Variants in DPP6 observed in about 807,000 individuals in gnomAD.
DPP6 encodes A-type potassium channel modulatory protein DPP6.
Under a neutral mutation model 122.6 loss-of-function variants are expected in DPP6, and 69 were observed. The ratio of observed to expected loss-of-function variants is 0.56; its 90% CI spans 0.46 to 0.69. DPP6 has a LOEUF of 0.69. Among genes scored for constraint, DPP6 ranks in the 30% least tolerant of loss-of-function variants. The probability of loss-of-function intolerance (pLI) is 0.00; values close to 1 mark genes in which losing one functional copy is unlikely to be tolerated. For missense variants in DPP6, 928 were observed against 1,116.9 expected (o/e 0.83, Z 2.41); for synonymous variants, 418 against 433.1 (o/e 0.97, Z 0.43).
chr7:154,147,652 G>A (rs982201961), intron 1 of DPP6, among the ~76,000 whole-genome samples: 3 of 19,644 alleles, frequency 1.5e-4, no homozygotes, highest in African/African-American at 2.9e-4. Flanking sequence ...GCTAATTTGT[G>A]TGTGTGTGTG....
upstream of DPP6, among the ~76,000 whole-genome samples, chr7:153,882,705 G>A (rs1162199853): frequency 6.6e-6 from 1 of 152,246 alleles, no homozygotes; most frequent in African/African-American, 2.4e-5. Flanking sequence ...CATGCCAGGA[G>A]TCAACACTAG....
At chr7:154,795,601 G>A (rs1797993710) in intron 11 of DPP6, among the ~76,000 whole-genome samples, 1 of 152,074 alleles carries the variant, frequency 6.6e-6, no homozygotes, top group African/African-American at 2.4e-5. Flanking sequence ...TGTTGCTAGG[G>A]ATAGTGGCAT....
chr7:154,794,313 G>T, intron 11 of DPP6, 111 bp downstream of exon 11: 1 of 1,374,566 alleles, frequency 7.3e-7, no homozygotes, highest in South Asian at 1.8e-5. Flanking sequence ...TTGGGGACCG[G>T]CCGCCCAGCT....
chr7:153,753,039 T>C, the DPP6 span, among the ~76,000 whole-genome samples: 1 of 152,208 alleles, frequency 6.6e-6, no homozygotes, highest in South Asian at 2.1e-4. Context: ...ATTCTTTGTA[T>C]TACTTATATT....
chr7:154,569,172 A>C (rs1265276952), intron 5 of DPP6, among the ~76,000 whole-genome samples: 1 of 151,994 alleles, frequency 6.6e-6, no homozygotes, highest in Non-Finnish European at 1.5e-5. Context: ...CTAACTAGAT[A>C]AACTAAAATG....
At chr7:153,937,739 G>T (rs559868984) in intron 1 of DPP6, among the ~76,000 whole-genome samples, 1 of 152,256 alleles carries the variant, frequency 6.6e-6, no homozygotes, top group East Asian at 1.9e-4. Flanking sequence ...GAGCCACTGT[G>T]CCCAGCCCAG....
At chr7:154,795,384 T>G (rs930016261) in intron 11 of DPP6, among the ~76,000 whole-genome samples, 2 of 152,220 alleles carry the variant, frequency 1.3e-5, no homozygotes, top group Admixed American at 1.3e-4. Context: ...TTTTCCTCTA[T>G]GCTTTAGCCC....
At position 154,321,812 on chromosome 7, in the gene DPP6, GA is replaced by G. The variant is rs1404574589; in HGVS notation, c.244-124399del. Among the ~76,000 whole-genome samples, 7 of 147,706 alleles carry G rather than the reference GA, an allele frequency of 4.7e-5. No homozygotes were observed. The South Asian group carries it at 1.1e-3, about 23-fold the overall frequency. On this transcript the variant is annotated intron_variant, in intron 1 of 25. Coordinates refer to ENST00000377770, the MANE Select transcript of DPP6 (RefSeq NM_130797.4). ...AAAAAAAAAAAAAAAAAAAGAGGAA[GA>G]AATTGAACATGGCTTTACAGAGGAG...
intron 1 of DPP6, among the ~76,000 whole-genome samples, chr7:153,894,491 T>C (rs1468818398): frequency 1.4e-4 from 21 of 152,186 alleles, no homozygotes; most frequent in Admixed American, 1.4e-3. Flanking sequence ...GAGAAAGGGT[T>C]CCATTCGGGA....
At chr7:154,594,409 C>T (rs1307881923) in intron 5 of DPP6, among the ~76,000 whole-genome samples, 1 of 152,118 alleles carries the variant, frequency 6.6e-6, no homozygotes, top group Non-Finnish European at 1.5e-5. Context: ...TTTCTTGCCC[C>T]ATTGTGCAAG....
intron 1 of DPP6, among the ~76,000 whole-genome samples, chr7:153,977,504 G>A (rs73496254): frequency 0.082 from 12,444 of 152,114 alleles, 1,732 homozygotes; most frequent in African/African-American, 0.28. Flanking sequence ...AAGTACCCGA[G>A]CTGTTTATCT....
intron 1 of DPP6, among the ~76,000 whole-genome samples, chr7:154,279,496 G>A (rs1017784769): frequency 6.6e-6 from 1 of 152,192 alleles, no homozygotes; most frequent in Non-Finnish European, 1.5e-5. Flanking sequence ...GTCACTTGCT[G>A]GAACATAGGC....
chr7:154,766,197 G>A (rs1032224966), intron 8 of DPP6, among the ~76,000 whole-genome samples: 3 of 152,116 alleles, frequency 2.0e-5, no homozygotes, highest in East Asian at 1.9e-4. Flanking sequence ...CAGGTTCTTC[G>A]CATGTGCCAC....
intron 17 of DPP6, among the ~76,000 whole-genome samples, chr7:154,860,141 A>C (rs1444638695): frequency 6.6e-6 from 1 of 152,194 alleles, no homozygotes; most frequent in Non-Finnish European, 1.5e-5. Flanking sequence ...CGCCAGATGC[A>C]GTTGGTTTCC....
At chr7:154,891,480 A>T (rs1585003129) in intron 25 of DPP6, among the ~76,000 whole-genome samples, 1 of 152,170 alleles carries the variant, frequency 6.6e-6, no homozygotes, top group South Asian at 2.1e-4. Flanking sequence ...CACCCGACAC[A>T]CCTGGAATCC....
rs1015175742 is a variant in DPP6 at position 154,793,973 on chromosome 7, C to T, written c.1137-106C>T. On this transcript the variant is annotated intron_variant, in intron 10 of 25. Coordinates refer to ENST00000377770, the MANE Select transcript of DPP6 (RefSeq NM_130797.4). ...AGGCTGGCTGTGTCACCACTGGCTCCGGCCCCCGGCTCCCGTGTCGTGTCC... is the reference window on the plus strand; with the variant it reads ...AGGCTGGCTGTGTCACCACTGGCTCTGGCCCCCGGCTCCCGTGTCGTGTCC... 30 of 1,474,344 alleles carry T rather than the reference C, an allele frequency of 2.0e-5. No homozygotes were observed. In the East Asian group the frequency reaches 6.7e-4, roughly 33 times the overall value. 91.3% of individuals were successfully genotyped at this position (1,474,344 alleles called of 1,614,324 possible).
rs902045856 is a variant in DPP6 at position 154,341,032 on chromosome 7, A to G, written c.244-105182A>G. ...TTATTATAACATAAACTTATAAATT[A>G]CATTCTCTAATGAATGGATTCAAGG... is the stretch of plus-strand genomic sequence containing the variant. On this transcript the variant is annotated intron_variant, in intron 1 of 25. Transcript: ENST00000377770. 3.3e-5 allele frequency among the ~76,000 whole-genome samples: 5 copies of G among 152,356 alleles called. No homozygotes were observed. The East Asian group carries it at 7.7e-4, about 23-fold the overall frequency.
At chr7:153,762,205 C>T in the DPP6 span, among the ~76,000 whole-genome samples, 2 of 152,138 alleles carry the variant, frequency 1.3e-5, no homozygotes, top group Admixed American at 1.3e-4. Flanking sequence ...GTATTTGTAA[C>T]CACGGAGAAT....
intron 1 of DPP6, among the ~76,000 whole-genome samples, chr7:154,318,842 G>A (rs995282497): frequency 2.0e-5 from 3 of 151,978 alleles, no homozygotes; most frequent in Non-Finnish European, 4.4e-5. Flanking sequence ...AGAGAAAAAA[G>A]AAACAGCTTC....
Sources: allele counts gnomAD v4.1 joint callset (sites outside exome capture counted in the v4.1 genomes callset), GRCh38; gene constraint gnomAD v4.1.1; transcripts MANE v1.5; gene names NCBI Gene and HGNC (gene_info 2026-07-23, HGNC 2026-07-21).